HSPA4L: variants seen among roughly 807,000 people sequenced by gnomAD.
HSPA4L encodes heat shock protein family A (Hsp70) member 4 like, also known as heat shock 70 kDa protein 4L.
In HSPA4L, 48 loss-of-function variants were observed where a neutral mutation model predicts 100.3. That is an observed-to-expected ratio of 0.48 (90% CI 0.38 to 0.61). HSPA4L has a LOEUF of 0.61. HSPA4L is among the 20% of genes least tolerant of loss of function. HSPA4L has a pLI of 0.00. For synonymous variants in HSPA4L, 319 were observed against 328.2 expected (o/e 0.97, Z 0.30); for missense variants, 886 against 988.6 (o/e 0.90, Z 1.39).
intron 2 of HSPA4L, 81 bp downstream of exon 2, chr4:127,794,215 T>C: frequency 2.0e-6 from 2 of 1,007,682 alleles, no homozygotes; most frequent in Non-Finnish European, 3.0e-6. Context: ...GTTATATTGT[T>C]AAGAGTGAAT....
intron 17 of HSPA4L, among the ~76,000 whole-genome samples, chr4:127,829,339 T>C (rs539709103): frequency 2.0e-5 from 3 of 151,994 alleles, no homozygotes; most frequent in Non-Finnish European, 2.9e-5. Flanking sequence ...TGGGTTTTAC[T>C]CTGAGATAGG....
At chr4:127,793,895 C>A (rs1469222387) in intron 1 of HSPA4L, among the ~76,000 whole-genome samples, 182 bp from the exon 2 acceptor site, 1 of 152,108 alleles carries the variant, frequency 6.6e-6, no homozygotes, top group Non-Finnish European at 1.5e-5. Flanking sequence ...AACATTTATT[C>A]TGACCACCAT....
intron 11 of HSPA4L, among the ~76,000 whole-genome samples, chr4:127,810,835 A>G (rs1733505945): frequency 1.3e-5 from 2 of 152,210 alleles, no homozygotes; most frequent in South Asian, 2.1e-4. Flanking sequence ...TTTAACCCAT[A>G]AAAAAGTCAT....
chr4:127,788,216 A>G (rs756085590), intron 1 of HSPA4L, among the ~76,000 whole-genome samples: 2 of 152,124 alleles, frequency 1.3e-5, no homozygotes, highest in Non-Finnish European at 2.9e-5. Context: ...AAGCTAATTT[A>G]TTTATGATTA....
At chr4:127,801,595 C>A (rs1553932980) in intron 5 of HSPA4L, among the ~76,000 whole-genome samples, 190 bp from the exon 6 acceptor site, 2 of 151,390 alleles carry the variant, frequency 1.3e-5, no homozygotes, top group Non-Finnish European at 2.9e-5. Flanking sequence ...TTTACTATTA[C>A]AGAGTTATAG....
Position 127,833,264 on chromosome 4 carries a change from G to T in HSPA4L, c.*390G>T. The T allele has an allele frequency of 6.4e-6, 1 of 157,358 alleles. No homozygotes were observed. The highest frequency in any genetic ancestry group is 1.4e-5 in the Non-Finnish European group (1 of 71,388). The allele number at this position is 157,358 out of a possible 1,614,324, so 9.7% of individuals were successfully genotyped here. ...ATAGATTTAATTGCATCTTTATTTT[G>T]AAAAACAAATGAAAATTGATGGGGT... On this transcript the variant is annotated 3_prime_UTR_variant, in exon 19 of 19. Transcript: ENST00000296464.
In HSPA4L at chr4:127,836,881, T is replaced by C. The variant is rs1178512041; in HGVS notation, c.*4007T>C. ...GCATTAATTTTACAAATTATAGATT[T>C]AGAAATGATTCTTAAGTTATTGGTA... is the stretch of plus-strand genomic sequence containing the variant. On this transcript the variant is annotated 3_prime_UTR_variant, in exon 19 of 19. Coordinates refer to ENST00000296464, the MANE Select transcript of HSPA4L (RefSeq NM_014278.4). The C allele has an allele frequency of 6.6e-6, 1 of 152,172 alleles. No homozygotes were observed. Among genetic ancestry groups the C allele is most frequent in the East Asian group, 1.9e-4 (1 of 5,198 alleles). 9.4% of individuals were successfully genotyped at this position (152,172 alleles called of 1,614,324 possible).
intron 16 of HSPA4L, among the ~76,000 whole-genome samples, chr4:127,825,381 G>A (rs1024618512): frequency 6.6e-6 from 1 of 152,072 alleles, no homozygotes; most frequent in Non-Finnish European, 1.5e-5. Context: ...GCTAAATGAT[G>A]ACATTAACAA....
rs1288494728 is a variant in HSPA4L, at chr4:127,834,158, A to C, written c.*1284A>C. The C allele has an allele frequency of 3.9e-5, 6 of 152,314 alleles. No individual in the cohort carries two copies. The highest frequency in any genetic ancestry group is 2.0e-4 in the Admixed American group (3 of 15,296). 9.4% of individuals were successfully genotyped at this position (152,314 alleles called of 1,614,324 possible). ...CTGTCCAGAGACCTGAAACTGCTTAAGTATGGGAACAGACTGAAATGGTGT... is the reference window on the plus strand; with the variant it reads ...CTGTCCAGAGACCTGAAACTGCTTACGTATGGGAACAGACTGAAATGGTGT... On this transcript the variant is annotated 3_prime_UTR_variant, in exon 19 of 19. Coordinates refer to ENST00000296464, the MANE Select transcript of HSPA4L (RefSeq NM_014278.4).
intron 12 of HSPA4L, among the ~76,000 whole-genome samples, chr4:127,817,404 T>G (rs1733695964): frequency 6.6e-6 from 1 of 152,224 alleles, no homozygotes; most frequent in African/African-American, 2.4e-5. Context: ...CAAGATAGCT[T>G]TCTGGGTATT....
intron 16 of HSPA4L, among the ~76,000 whole-genome samples, chr4:127,824,077 C>CT (rs750261595): frequency 6.6e-6 from 1 of 152,158 alleles, no homozygotes; most frequent in Non-Finnish European, 1.5e-5. Flanking sequence ...TAGATTCAAC[C>CT]TTTGAGATCA....
intron 1 of HSPA4L, among the ~76,000 whole-genome samples, chr4:127,789,059 T>G (rs1224438417): frequency 6.6e-6 from 1 of 152,190 alleles, no homozygotes; most frequent in Non-Finnish European, 1.5e-5. Context: ...TACTGAGCTT[T>G]TAGGCAACAA....
chr4:127,807,613 A>T (rs1265513003), intron 10 of HSPA4L, among the ~76,000 whole-genome samples: 1 of 152,126 alleles, frequency 6.6e-6, no homozygotes, highest in Non-Finnish European at 1.5e-5. Context: ...ATTATTTGCA[A>T]ACAAAAGTTT....
intron 11 of HSPA4L, among the ~76,000 whole-genome samples, chr4:127,810,851 T>C (rs1733506467): frequency 6.6e-6 from 1 of 152,086 alleles, no homozygotes; most frequent in Non-Finnish European, 1.5e-5. Context: ...GTCATCCAAG[T>C]TTTTTACTAC....
chr4:127,797,663 G>A (rs1733061820), intron 3 of HSPA4L, among the ~76,000 whole-genome samples: 1 of 148,516 alleles, frequency 6.7e-6, no homozygotes, highest in Non-Finnish European at 1.5e-5. Context: ...GTGCAGTGGC[G>A]CAATCTCGGC....
chr4:127,816,140 G>A (rs986571469), intron 12 of HSPA4L, among the ~76,000 whole-genome samples: 1 of 152,090 alleles, frequency 6.6e-6, no homozygotes, highest in South Asian at 2.1e-4. Context: ...TGTTTCTTAA[G>A]TGCTTTATGT....
intron 12 of HSPA4L, among the ~76,000 whole-genome samples, 197 bp downstream of exon 12, chr4:127,811,833 G>A (rs1206677885): frequency 1.3e-5 from 2 of 152,062 alleles, no homozygotes; most frequent in East Asian, 1.9e-4. Flanking sequence ...CATCTTTCAC[G>A]TTGTCACATA....
intron 10 of HSPA4L, among the ~76,000 whole-genome samples, chr4:127,806,245 A>G (rs549883415): frequency 6.6e-6 from 1 of 152,130 alleles, no homozygotes; most frequent in African/African-American, 2.4e-5. Flanking sequence ...CCATGTCAAC[A>G]GACAGTAACT....
chr4:127,831,521 A>ATTTGAGTAGTGTTTGT (rs1560673573), intron 18 of HSPA4L, among the ~76,000 whole-genome samples: 1 of 151,436 alleles, frequency 6.6e-6, no homozygotes, highest in East Asian at 2.0e-4. Flanking sequence ...AAAAAAAAAA[A>ATTTGAGTAGTGTTTGT]AAGGAAGCAA....
Sources: gnomAD v4.1 joint callset for allele counts (sites outside exome capture counted in the v4.1 genomes callset) on GRCh38, gnomAD v4.1.1 for gene constraint, MANE v1.5 for transcripts, NCBI Gene and HGNC (gene_info 2026-07-23, HGNC 2026-07-21) for gene names.